The following BRI3BP variants were observed in gnomAD, a reference collection of about 807,000 sequenced individuals.
The protein encoded by BRI3BP is BRI3 binding protein, also known as BRI3-binding protein.
BRI3BP carries 7 observed loss-of-function variants against 15.8 expected under a neutral mutation model. The observed-to-expected ratio is 0.44, with a 90% CI of 0.25 to 0.83. BRI3BP has a LOEUF of 0.83. Among genes scored for constraint, BRI3BP ranks in the 40% least tolerant of loss-of-function variants. The probability of loss-of-function intolerance (pLI) is 0.20; values close to 1 mark genes in which losing one functional copy is unlikely to be tolerated. For synonymous variants in BRI3BP, 192 were observed against 163.5 expected (o/e 1.17, Z -1.33); for missense variants, 320 against 339.3 (o/e 0.94, Z 0.45).
the BRI3BP span, among the ~76,000 whole-genome samples, chr12:125,041,908 G>A: frequency 6.6e-6 from 1 of 152,152 alleles, no homozygotes; most frequent in Non-Finnish European, 1.5e-5. Context: ...CGCCTAGGCT[G>A]GTCTTGAACT....
intron 2 of BRI3BP, among the ~76,000 whole-genome samples, chr12:125,023,611 AT>A (rs1955319993): frequency 6.6e-6 from 1 of 152,166 alleles, no homozygotes; most frequent in African/African-American, 2.4e-5. Flanking sequence ...GCAGTGGCAC[AT>A]TATGGCTCAC....
chr12:125,024,929 A>G lies in BRI3BP; in HGVS notation c.317-62A>G. On this transcript the variant is annotated intron_variant, in intron 2 of 2. Transcript: ENST00000341446. ...CAGGCCAGCTCAACTATCCAATTCT[A>G]GCTTGTTAAGAAACCCCTGGCCCCT... 3 of 1,442,144 alleles carry G rather than the reference A, an allele frequency of 2.1e-6. No individual in the cohort carries two copies. The East Asian group carries it at 6.9e-5, about 33-fold the overall frequency. The allele number at this position is 1,442,144 out of a possible 1,614,324, so 89.3% of individuals were successfully genotyped here.
At position 125,029,875 on chromosome 12, in the gene BRI3BP, G is replaced by C. The variant is rs138089997; in HGVS notation, c.*4445G>C. On this transcript the variant is annotated 3_prime_UTR_variant, in exon 3 of 3. Coordinates refer to ENST00000341446, the MANE Select transcript of BRI3BP (RefSeq NM_080626.6). ...TGACTGTGATGGTGGTAACCAAGTG[G>C]GGTGGTCCCCTCTGGGGAGCTGAGT... The C allele has an allele frequency of 6.6e-6, 1 of 152,408 alleles. No individual in the cohort carries two copies. Among genetic ancestry groups the C allele is most frequent in the African/African-American group, 2.4e-5 (1 of 41,562 alleles). 9.4% of individuals were successfully genotyped at this position (152,408 alleles called of 1,614,324 possible).
intron 1 of BRI3BP, among the ~76,000 whole-genome samples, chr12:124,995,352 C>G (rs1341539173): frequency 6.6e-6 from 1 of 152,194 alleles, no homozygotes; most frequent in Non-Finnish European, 1.5e-5. Context: ...GTCTCACTTA[C>G]TTCCTCTTGA....
At position 124,996,934 on chromosome 12, in the gene BRI3BP, T is replaced by C. The variant is rs190056276; in HGVS notation, c.213+2931T>C. Among the ~76,000 whole-genome samples, 641 of 151,764 alleles carry C rather than the reference T, an allele frequency of 4.2e-3. 8 individuals carry two copies. Among genetic ancestry groups the C allele is most frequent in the South Asian group, 0.042 (202 of 4,806 alleles). ...TGCCACCATGCCTGGCTAATTTTTG[T>C]ATTTTTAGTAGAGATGGGGTTTCAC... On this transcript the variant is annotated intron_variant, in intron 1 of 2. Coordinates refer to ENST00000341446, the MANE Select transcript of BRI3BP (RefSeq NM_080626.6).
At chr12:125,033,163 CAAAA>C (rs1044400671), downstream of BRI3BP, among the ~76,000 whole-genome samples, 8 of 152,074 alleles carry the variant, frequency 5.3e-5, no homozygotes, top group Admixed American at 1.3e-4. Context: ...AACAAACAAA[CAAAA>C]AAAACAAACA....
chr12:125,035,744 A>C (rs1955436710), downstream of BRI3BP, among the ~76,000 whole-genome samples: 5 of 152,092 alleles, frequency 3.3e-5, no homozygotes, highest in Admixed American at 2.0e-4. Context: ...GATGTGAGCC[A>C]GTATGCCCGG....
chr12:125,007,162 G>C (rs573825466), intron 1 of BRI3BP, among the ~76,000 whole-genome samples: 1 of 151,978 alleles, frequency 6.6e-6, no homozygotes. Flanking sequence ...TCGCACCACT[G>C]TACTCTAGCC....
intron 1 of BRI3BP, among the ~76,000 whole-genome samples, chr12:124,997,214 C>CTCTTTTTTTTTTTTTTTT (rs1335395514): frequency 1.9e-5 from 1 of 51,550 alleles, no homozygotes; most frequent in East Asian, 8.7e-4. Context: ...CTTTACTTCT[C>CTCTTTTTTTTTTTTTTTT]TTTTTTTTTT....
At chr12:125,006,052 T>C (rs117231297) in intron 1 of BRI3BP, among the ~76,000 whole-genome samples, 6,066 of 152,174 alleles carry the variant, frequency 0.04, 246 homozygotes, top group Admixed American at 0.13. Flanking sequence ...TTCCTCTGTT[T>C]ATCTGGGTCC....
In BRI3BP at chr12:124,993,888, A is replaced by G. The variant is rs1955017132; in HGVS notation, c.98A>G (p.Gln33Arg). 1.6e-6 allele frequency: 2 copies of G among 1,240,364 alleles called. No individual in the cohort carries two copies. The highest frequency in any genetic ancestry group is 3.3e-5 in the African/African-American group (2 of 60,716). 76.8% of individuals were successfully genotyped at this position (1,240,364 alleles called of 1,614,324 possible). ...LLLGLLAPGAQGARGRGGAEK... is the reference protein window; with the variant it reads ...LLLGLLAPGARGARGRGGAEK... ...CTCGGGCTGCTGGCCCCGGGCGCGC[A>G]GGGGGCGCGGGGCCGCGGCGGCGCG... The change falls in exon 1 of 3, where the codon CAG (glutamine) becomes CGG (arginine). Residue 33 changes from glutamine (Q) to arginine (R), a missense_variant. Physicochemically the swap from Gln to Arg is conservative, Grantham distance 43. Transcript: ENST00000341446.
intron 1 of BRI3BP, among the ~76,000 whole-genome samples, chr12:125,011,387 C>T (rs1955195527): frequency 6.6e-6 from 1 of 152,106 alleles, no homozygotes; most frequent in South Asian, 2.1e-4. Context: ...TGTTTTTTCC[C>T]CTGTAATAGC....
At chr12:125,049,926 G>C in the BRI3BP span, among the ~76,000 whole-genome samples, 1 of 152,224 alleles carries the variant, frequency 6.6e-6, no homozygotes, top group Admixed American at 6.5e-5. Context: ...GGGTTGACTT[G>C]GGCGAGGCGG....
chr12:124,994,040 C>A (rs1194314098), intron 1 of BRI3BP, 37 bp downstream of exon 1: 2 of 1,236,712 alleles, frequency 1.6e-6, no homozygotes, highest in Non-Finnish European at 2.1e-6. Context: ...CACCTTGCCC[C>A]GGTCGCCACG....
In BRI3BP at chr12:125,025,019, A is replaced by G. The variant is rs775507958; in HGVS notation, c.345A>G (p.Pro115=). The G allele has an allele frequency of 3.1e-6, 5 of 1,613,042 alleles. No individual in the cohort carries two copies. In the Admixed American group the frequency reaches 6.7e-5, roughly 22 times the overall value. ...DVSNLSQYFS[P]ASVSSSPARA... Reference sequence around the variant, plus strand: ...CCAACCTGTCCCAGTATTTCAGCCCAGCCTCGGTGTCCAGCAGCCCGGCCC... The same window carrying G: ...CCAACCTGTCCCAGTATTTCAGCCCGGCCTCGGTGTCCAGCAGCCCGGCCC... The change falls in exon 3 of 3, where the codon CCA becomes CCG. Residue 115 remains proline (P), a synonymous_variant. Coordinates refer to ENST00000341446, the MANE Select transcript of BRI3BP (RefSeq NM_080626.6).
In BRI3BP at chr12:125,031,110, T is replaced by C. The variant is rs780852991; in HGVS notation, c.*5680T>C. On this transcript the variant is annotated 3_prime_UTR_variant, in exon 3 of 3. Coordinates refer to ENST00000341446, the MANE Select transcript of BRI3BP (RefSeq NM_080626.6). The stretch of plus-strand genomic sequence containing the variant: ...TATTAAATCACTGGCTTTGGTGTTA[T>C]GTAGAGATATTTGTAGATCTCAGAA... 3 of 152,236 alleles carry C rather than the reference T, an allele frequency of 2.0e-5. No homozygotes were observed. The highest frequency in any genetic ancestry group is 1.9e-4 in the East Asian group (1 of 5,208). 9.4% of individuals were successfully genotyped at this position (152,236 alleles called of 1,614,324 possible). A position where few individuals can be genotyped will look rare whatever the true frequency, so the allele number is the denominator to read the frequency against.
intron 1 of BRI3BP, among the ~76,000 whole-genome samples, chr12:125,008,894 A>G (rs1955172145): frequency 6.6e-6 from 1 of 152,054 alleles, no homozygotes; most frequent in Non-Finnish European, 1.5e-5. Context: ...ACAGTGGCAG[A>G]TCATCAGGCA....
At chr12:124,997,061 C>T (rs1357688537) in intron 1 of BRI3BP, among the ~76,000 whole-genome samples, 2 of 151,438 alleles carry the variant, frequency 1.3e-5, no homozygotes, top group African/African-American at 4.8e-5. Context: ...GCCCGGCCTC[C>T]CATATTCTAA....
intron 1 of BRI3BP, among the ~76,000 whole-genome samples, chr12:125,012,064 G>T (rs896056132): frequency 1.3e-5 from 2 of 152,308 alleles, no homozygotes; most frequent in East Asian, 3.9e-4. Flanking sequence ...GGCTGCACCT[G>T]TAGCCCTAGC....
Sources: gnomAD v4.1 joint callset for allele counts (sites outside exome capture counted in the v4.1 genomes callset) on GRCh38, gnomAD v4.1.1 for gene constraint, MANE v1.5 for transcripts, NCBI Gene and HGNC (gene_info 2026-07-23, HGNC 2026-07-21) for gene names.